The following RPS6KA1 variants were observed in gnomAD, a reference collection of about 807,000 sequenced individuals.
RPS6KA1 encodes ribosomal protein S6 kinase alpha-1.
RPS6KA1 carries 48 observed loss-of-function variants against 91.3 expected under a neutral mutation model. That is an observed-to-expected ratio of 0.53 (90% confidence interval 0.42 to 0.67). The LOEUF (loss-of-function observed/expected upper bound fraction) is 0.67, where lower values mean the gene tolerates loss of function less well. Ranked by LOEUF, RPS6KA1 falls within the 30% of genes least tolerant of loss-of-function variation. RPS6KA1 has a pLI of 0.00. For synonymous variants in RPS6KA1, 359 were observed against 384.7 expected (o/e 0.93, Z 0.78); for missense variants, 719 against 960.5 (o/e 0.75, Z 3.32).
rs774434057 is a variant in RPS6KA1, at chr1:26,551,769, G to A, written c.468+46G>A. ...AGAGGGCCCCGGGATGGAGCTGAGG[G>A]ACGACAAGTCCTCCCATCCCAGGGC... On this transcript the variant is annotated intron_variant, in intron 6 of 21. Coordinates refer to ENST00000374168, the MANE Select transcript of RPS6KA1 (RefSeq NM_002953.4). The surrounding 1 kb of genome is among the most constrained non-coding windows in gnomAD (Gnocchi z 4.5). 5.3e-6 allele frequency: 8 copies of A among 1,511,674 alleles called. No individual in the cohort carries two copies. In the South Asian group the frequency reaches 6.7e-5, roughly 13 times the overall value. The allele number at this position is 1,511,674 out of a possible 1,614,324, so 93.6% of individuals were successfully genotyped here.
Position 26,574,481 on chromosome 1 carries a change from C to A in RPS6KA1, c.*280C>A. 1.7e-6 allele frequency: 1 copy of A among 591,356 alleles called. No individual in the cohort carries two copies. Among genetic ancestry groups the A allele is most frequent in the South Asian group, 1.5e-5 (1 of 67,686 alleles). 36.6% of individuals were successfully genotyped at this position (591,356 alleles called of 1,614,324 possible). A position where few individuals can be genotyped will look rare whatever the true frequency, so the allele number is the denominator to read the frequency against. ...CAACCACCATGGATTTTTACAAGATCCATTTGCCTTTCTGGGAGCAGAAAC... is the reference window on the plus strand; with the variant it reads ...CAACCACCATGGATTTTTACAAGATACATTTGCCTTTCTGGGAGCAGAAAC... On this transcript the variant is annotated 3_prime_UTR_variant, in exon 22 of 22. Transcript: ENST00000374168. The surrounding 1 kb of genome is among the most constrained non-coding windows in gnomAD (Gnocchi z 4.3).
At chr1:26,534,329 G>A (rs907181609) in intron 1 of RPS6KA1, among the ~76,000 whole-genome samples, 3 of 152,202 alleles carry the variant, frequency 2.0e-5, no homozygotes, top group East Asian at 3.9e-4. Flanking sequence ...AGATGTTGAT[G>A]ATGGACAAGC....
At chr1:26,530,065 T>C in intron 1 of RPS6KA1, 82 bp downstream of exon 1, 1 of 1,031,620 alleles carries the variant, frequency 9.7e-7, no homozygotes, top group Non-Finnish European at 1.2e-6. Context: ...GAAGCGCCGC[T>C]GCAGTCCGGC....
chr1:26,573,154 C>G (rs2076264343), intron 20 of RPS6KA1, 70 bp from the exon 21 acceptor site: 1 of 1,527,058 alleles, frequency 6.5e-7, no homozygotes, highest in African/African-American at 1.4e-5. Context: ...GATGGTTGCC[C>G]TCCTGTGCCC....
At position 26,558,961 on chromosome 1, in the gene RPS6KA1, C is replaced by T; in HGVS notation, c.1215+24C>T. 1.3e-6 allele frequency: 2 copies of T among 1,596,010 alleles called. No homozygotes were observed. The highest frequency in any genetic ancestry group is 1.1e-5 in the South Asian group (1 of 90,486). ...AGGTGAGGGGGGCAGGGGGCTGCTGCTCCATTATCCTTTTCTAAAGAATGG... is the reference window on the plus strand; with the variant it reads ...AGGTGAGGGGGGCAGGGGGCTGCTGTTCCATTATCCTTTTCTAAAGAATGG... On this transcript the variant is annotated intron_variant, in intron 14 of 21. Transcript: ENST00000374168. This position sits in a 1 kb window ranked among gnomAD's most constrained non-coding sequence, Gnocchi z 4.0.
rs1353193682 is a variant in RPS6KA1 at position 26,540,527 on chromosome 1, G to C, written c.108+3558G>C. On this transcript the variant is annotated intron_variant, in intron 2 of 21. Transcript: ENST00000374168. This position sits in a 1 kb window ranked among gnomAD's most constrained non-coding sequence, Gnocchi z 4.2. ...ACTGGCAAATAGTCACCACCTCTGG[G>C]CACCCACAACACCTTGATTATGGCT... is the stretch of plus-strand genomic sequence containing the variant. Among the ~76,000 whole-genome samples, 1 of 152,220 alleles carries C rather than the reference G, an allele frequency of 6.6e-6. No homozygotes were observed. Among genetic ancestry groups the C allele is most frequent in the Non-Finnish European group, 1.5e-5 (1 of 68,050 alleles).
intron 6 of RPS6KA1, chr1:26,552,787 G>A (rs775147042): frequency 5.5e-5 from 19 of 347,718 alleles, no homozygotes; most frequent in Non-Finnish European, 1.1e-4. Context: ...CACCGTGCCC[G>A]GCTTAAATTG....
Position 26,533,947 on chromosome 1 carries a change from C to T in RPS6KA1, c.64-2978C>T, listed in dbSNP as rs1205021096. Among the ~76,000 whole-genome samples the T allele has an allele frequency of 3.3e-5, 5 of 152,144 alleles. No individual in the cohort carries two copies. The East Asian group carries it at 9.6e-4, about 29-fold the overall frequency. On this transcript the variant is annotated intron_variant, in intron 1 of 21. Transcript: ENST00000374168. The stretch of plus-strand genomic sequence containing the variant: ...CCTACCAGTCTGTTCTCCAGGGCTG[C>T]CTGTTCCCTTACTCTTACAGGTTTG...
chr1:26,573,070 G>A (rs938624731), intron 20 of RPS6KA1, among the ~76,000 whole-genome samples, 154 bp from the exon 21 acceptor site: 3 of 152,214 alleles, frequency 2.0e-5, no homozygotes, highest in East Asian at 1.9e-4. Context: ...TTGGCTGTGT[G>A]CGGGGAGCCC....
chr1:26,571,716 G>A lies in RPS6KA1; in HGVS notation c.1752+106G>A. 1 of 1,496,998 alleles carries A rather than the reference G, an allele frequency of 6.7e-7. No homozygotes were observed. The highest frequency in any genetic ancestry group is 2.0e-5 in the Admixed American group (1 of 50,450). The allele number at this position is 1,496,998 out of a possible 1,614,324, so 92.7% of individuals were successfully genotyped here. On this transcript the variant is annotated intron_variant, in intron 18 of 21. Transcript: ENST00000374168. The surrounding 1 kb of genome is among the most constrained non-coding windows in gnomAD (Gnocchi z 5.1). ...CCGGGACTCCAGTCTCTGTGACCTT[G>A]GCCCAGCTGGCAAGGGAAGATCTAG...
chr1:26,541,123 G>A (rs935127530), intron 2 of RPS6KA1, among the ~76,000 whole-genome samples: 3 of 151,938 alleles, frequency 2.0e-5, no homozygotes, highest in Non-Finnish European at 4.4e-5. Context: ...TTAGCCAGAT[G>A]TGGTGGTACG....
Position 26,561,606 on chromosome 1 carries a change from G to A in RPS6KA1, c.1533G>A (p.Glu511=), listed in dbSNP as rs143525775. 152 of 1,613,854 alleles carry A rather than the reference G, an allele frequency of 9.4e-5. No individual in the cohort carries two copies. Among genetic ancestry groups the A allele is most frequent in the Non-Finnish European group, 1.2e-4 (145 of 1,179,910 alleles). The change falls in exon 17 of 22, where the codon GAG becomes GAA. Residue 511 remains glutamate (E), a synonymous_variant. Coordinates refer to ENST00000374168, the MANE Select transcript of RPS6KA1 (RefSeq NM_002953.4). The surrounding 1 kb of genome is among the most constrained non-coding windows in gnomAD (Gnocchi z 5.7). The part of the protein sequence containing the change: ...ILRQKFFSER[E]ASFVLHTIGK... ...GGCAGAAGTTCTTCTCAGAGCGGGAGGCCAGCTTTGTCCTGCACACCATTG... is the reference window on the plus strand; with the variant it reads ...GGCAGAAGTTCTTCTCAGAGCGGGAAGCCAGCTTTGTCCTGCACACCATTG...
At chr1:26,559,301 C>G (rs2076133321) in intron 14 of RPS6KA1, among the ~76,000 whole-genome samples, 1 of 152,142 alleles carries the variant, frequency 6.6e-6, no homozygotes, top group Non-Finnish European at 1.5e-5. Flanking sequence ...GGTTGAGAGG[C>G]AAGAATGTAG....
chr1:26,573,018 G>A (rs748580690), intron 20 of RPS6KA1, among the ~76,000 whole-genome samples: 4 of 152,188 alleles, frequency 2.6e-5, no homozygotes, highest in Non-Finnish European at 5.9e-5. Flanking sequence ...GGGTGTTCCA[G>A]GACGAAGGGC....
intron 2 of RPS6KA1, among the ~76,000 whole-genome samples, chr1:26,538,732 C>T (rs537600039): frequency 1.3e-4 from 20 of 152,288 alleles, no homozygotes; most frequent in East Asian, 7.7e-4. Context: ...CAAGGTCATT[C>T]CTCATAGTCC....
rs1487574485 is a variant in RPS6KA1, at chr1:26,554,872, A to G, written c.756+134A>G. ...CACAGCCAAGCTGGCCTCACCCTAT[A>G]TGCACCTGCAGTTTTCTTCCTTGGA... On this transcript the variant is annotated intron_variant, in intron 9 of 21. Transcript: ENST00000374168. This position sits in a 1 kb window ranked among gnomAD's most constrained non-coding sequence, Gnocchi z 4.6. 7 of 1,218,236 alleles carry G rather than the reference A, an allele frequency of 5.7e-6. No homozygotes were observed. The East Asian group carries it at 1.2e-4, about 21-fold the overall frequency. The allele number at this position is 1,218,236 out of a possible 1,614,324, so 75.5% of individuals were successfully genotyped here.
rs377659405 is a variant in RPS6KA1, at chr1:26,556,951, G to A, written c.982-47G>A. On this transcript the variant is annotated intron_variant, in intron 12 of 21. Coordinates refer to ENST00000374168, the MANE Select transcript of RPS6KA1 (RefSeq NM_002953.4). ...TCCTCCTGCATGGGGCTCCTGGTGGGCTGTTGAGGATGCCATGGTGACCAG... is the reference window on the plus strand; with the variant it reads ...TCCTCCTGCATGGGGCTCCTGGTGGACTGTTGAGGATGCCATGGTGACCAG... 88 of 1,431,070 alleles carry A rather than the reference G, an allele frequency of 6.1e-5. No individual in the cohort carries two copies. The African/African-American group carries it at 1.2e-3, about 20-fold the overall frequency. The allele number at this position is 1,431,070 out of a possible 1,614,324, so 88.6% of individuals were successfully genotyped here.
chr1:26,543,055 G>A, intron 2 of RPS6KA1: 1 of 1,234,302 alleles, frequency 8.1e-7, no homozygotes, highest in South Asian at 1.3e-5. Context: ...AGAGGGGGAA[G>A]TGAGAAGGAG....
At position 26,555,358 on chromosome 1, in the gene RPS6KA1, C is replaced by T. The variant is rs955029748; in HGVS notation, c.827+137C>T. 6.8e-6 allele frequency: 7 copies of T among 1,026,642 alleles called. No homozygotes were observed. In the African/African-American group the frequency reaches 1.1e-4, roughly 17 times the overall value. 63.6% of individuals were successfully genotyped at this position (1,026,642 alleles called of 1,614,324 possible). On this transcript the variant is annotated intron_variant, in intron 10 of 21. Coordinates refer to ENST00000374168, the MANE Select transcript of RPS6KA1 (RefSeq NM_002953.4). The surrounding 1 kb of genome is among the most constrained non-coding windows in gnomAD (Gnocchi z 4.3). ...CTCTCCTCTGGGTTAAACATTATACCTTCCAGAGCCCCTCTTTCATCCCTG... is the reference window on the plus strand; with the variant it reads ...CTCTCCTCTGGGTTAAACATTATACTTTCCAGAGCCCCTCTTTCATCCCTG...
Sources: gnomAD v4.1 joint callset for allele counts (sites outside exome capture counted in the v4.1 genomes callset) on GRCh38, gnomAD v4.1.1 for gene constraint, Gnocchi (gnomAD v3.1) non-coding constraint, MANE v1.5 for transcripts, NCBI Gene and HGNC (gene_info 2026-07-23, HGNC 2026-07-21) for gene names.